CCDC33: variants seen among roughly 807,000 people sequenced by gnomAD.
The protein encoded by CCDC33 is coiled-coil domain containing 33, also known as coiled-coil domain-containing protein 33.
A neutral mutation model predicts 91.9 loss-of-function variants in CCDC33; 94 were observed. The ratio of observed to expected loss-of-function variants is 1.02; its 90% CI spans 0.87 to 1.21. CCDC33 has a LOEUF of 1.21. CCDC33 is among the 50% of genes most tolerant of loss of function. CCDC33 has a pLI of 0.00. For synonymous variants in CCDC33, 396 were observed against 374.5 expected, an observed-to-expected ratio of 1.06 and a Z score of -0.66; for missense variants, 940 against 935.5, an observed-to-expected ratio of 1.00 and a Z score of -0.06.
intron 10 of CCDC33, among the ~76,000 whole-genome samples, chr15:74,290,275 T>C (rs1255780073): frequency 1.3e-5 from 2 of 151,936 alleles, no homozygotes. Flanking sequence ...CCTCCTGGGT[T>C]CAAACGATTC....
At chr15:74,298,910 A>G (rs1477608278) in intron 11 of CCDC33, among the ~76,000 whole-genome samples, 1 of 151,858 alleles carries the variant, frequency 6.6e-6, no homozygotes, top group Non-Finnish European at 1.5e-5. Context: ...ACGGGCTTTC[A>G]CTATGTTGGC....
At chr15:74,263,791 C>T (rs769149938) in intron 3 of CCDC33, among the ~76,000 whole-genome samples, 3 of 151,994 alleles carry the variant, frequency 2.0e-5, no homozygotes, top group Non-Finnish European at 2.9e-5. Flanking sequence ...TGTGTGTGCG[C>T]GTGGGTGTGT....
chr15:74,293,843 G>A (rs2059630132), intron 10 of CCDC33, among the ~76,000 whole-genome samples: 1 of 152,188 alleles, frequency 6.6e-6, no homozygotes, highest in South Asian at 2.1e-4. Context: ...TTGATGGGGA[G>A]TTGGGGGACA....
In CCDC33 at chr15:74,280,078, A is replaced by C. The variant is rs2076552084; in HGVS notation, c.875A>C (p.Tyr292Ser). Residue 292 changes from tyrosine to serine, a missense_variant, in exon 8 of 19, where the codon TAC (tyrosine) becomes TCC (serine). Transcript: ENST00000398814. ...SEDTALVLEYYSSTSMKGSQP... is the reference protein window; with the variant it reads ...SEDTALVLEYSSSTSMKGSQP... ...GACACAGCCCTGGTGCTGGAGTACT[A>C]CTCCTCAACTTCAAGTACGTGACCC... 4 of 1,613,672 alleles carry C rather than the reference A, an allele frequency of 2.5e-6. No homozygotes were observed. The highest frequency in any genetic ancestry group is 3.4e-6 in the Non-Finnish European group (4 of 1,179,828).
chr15:74,261,437 C>A (rs1033306919), intron 2 of CCDC33, among the ~76,000 whole-genome samples: 4 of 152,212 alleles, frequency 2.6e-5, no homozygotes, highest in African/African-American at 9.6e-5. Flanking sequence ...AACTGGCCTG[C>A]CCCACACTCC....
At chr15:74,255,306 G>A (rs2075827616) in intron 2 of CCDC33, among the ~76,000 whole-genome samples, 1 of 152,234 alleles carries the variant, frequency 6.6e-6, no homozygotes, top group African/African-American at 2.4e-5. Flanking sequence ...CACACAGTCA[G>A]CAGCGGTGAG....
chr15:74,254,431 C>T (rs2075799241), intron 2 of CCDC33, among the ~76,000 whole-genome samples: 1 of 152,230 alleles, frequency 6.6e-6, no homozygotes, highest in Admixed American at 6.5e-5. Flanking sequence ...GTGAGGATCT[C>T]TGGGCCCCTC....
chr15:74,254,744 CTTTTTT>C (rs756927130), intron 2 of CCDC33, among the ~76,000 whole-genome samples: 65 of 126,404 alleles, frequency 5.1e-4, no homozygotes, highest in African/African-American at 1.9e-3. Flanking sequence ...TACCCTCCTT[CTTTTTT>C]TTTTTTTTTT....
At chr15:74,208,731 A>C in intron 1 of CCDC33, 4 of 987,580 alleles carry the variant, frequency 4.1e-6, no homozygotes, top group Non-Finnish European at 4.8e-6. Context: ...CGCACACCCC[A>C]TGTGCCTTCT....
At chr15:74,333,365 C>A in intron 16 of CCDC33, 1 of 1,458,356 alleles carries the variant, frequency 6.9e-7, no homozygotes, top group Non-Finnish European at 9.4e-7. Context: ...CCTGCTCCAC[C>A]TCTGAAGATG....
intron 11 of CCDC33, among the ~76,000 whole-genome samples, chr15:74,318,961 C>T (rs995980895): frequency 6.6e-6 from 1 of 152,178 alleles, no homozygotes; most frequent in Non-Finnish European, 1.5e-5. Flanking sequence ...TGGGCCCTAC[C>T]TCTGGTGTCT....
At position 74,207,382 on chromosome 15, in the gene CCDC33, C is replaced by T. The variant is rs940670452; in HGVS notation, n.90-2006C>T. 2.6e-5 allele frequency among the ~76,000 whole-genome samples: 4 copies of T among 152,112 alleles called. No individual in the cohort carries two copies. The East Asian group carries it at 7.7e-4, about 29-fold the overall frequency. ...AAGCCCTGCAACCTCAGTATTGCCC[C>T]CAAGAAGCCCCAGACCTTCAGTAAC... On this transcript the variant is annotated intron_variant and non_coding_transcript_variant, in intron 1 of 3. Transcript: ENST00000558645.
chr15:74,262,656 C>G, intron 3 of CCDC33, 83 bp downstream of exon 3: 11 of 1,459,886 alleles, frequency 7.5e-6, no homozygotes, highest in Non-Finnish European at 9.2e-6. Flanking sequence ...CAGGCTCCCT[C>G]TCACTGCAGC....
intron 11 of CCDC33, among the ~76,000 whole-genome samples, chr15:74,296,496 C>T (rs1437169844): frequency 6.6e-6 from 1 of 152,142 alleles, no homozygotes; most frequent in Non-Finnish European, 1.5e-5. Flanking sequence ...CGTGGTGGTG[C>T]ATGGCTGTAA....
intron 10 of CCDC33, among the ~76,000 whole-genome samples, chr15:74,294,516 G>C (rs985612007): frequency 1.3e-5 from 2 of 152,038 alleles, no homozygotes; most frequent in Admixed American, 6.5e-5. Flanking sequence ...GGGAGGCCAA[G>C]GTGGGCAGAT....
chr15:74,333,982 G>T lies in CCDC33; in HGVS notation c.2025+15G>T. 1 of 1,610,716 alleles carries T rather than the reference G, an allele frequency of 6.2e-7. No individual in the cohort carries two copies. The highest frequency in any genetic ancestry group is 1.3e-5 in the African/African-American group (1 of 74,966). ...TGGAAAGCCAGGTGGGTGAGATGCAGGAGTTGATGAGGCTGGATCAGGCTC... is the reference window on the plus strand; with the variant it reads ...TGGAAAGCCAGGTGGGTGAGATGCATGAGTTGATGAGGCTGGATCAGGCTC... On this transcript the variant is annotated intron_variant, in intron 17 of 18. Coordinates refer to ENST00000398814, the MANE Select transcript of CCDC33 (RefSeq NM_025055.5).
intron 2 of CCDC33, among the ~76,000 whole-genome samples, chr15:74,261,533 C>T (rs1259600329): frequency 2.0e-5 from 3 of 152,192 alleles, no homozygotes; most frequent in Non-Finnish European, 4.4e-5. Context: ...CGTCTTGCCT[C>T]CCTCCGCAAG....
chr15:74,282,357 C>T (rs1329769123), intron 10 of CCDC33, among the ~76,000 whole-genome samples: 1 of 152,134 alleles, frequency 6.6e-6, no homozygotes, highest in Non-Finnish European at 1.5e-5. Flanking sequence ...ACTCACATCC[C>T]GGTCTCCTTG....
At chr15:74,315,694 A>T (rs1313352318) in intron 11 of CCDC33, among the ~76,000 whole-genome samples, 2 of 152,216 alleles carry the variant, frequency 1.3e-5, no homozygotes, top group African/African-American at 4.8e-5. Context: ...AGATGGGGGA[A>T]GGCGACTCTG....
Sources: gnomAD v4.1 joint callset for allele counts (sites outside exome capture counted in the v4.1 genomes callset) on GRCh38, gnomAD v4.1.1 for gene constraint, MANE v1.5 for transcripts, NCBI Gene and HGNC (gene_info 2026-07-23, HGNC 2026-07-21) for gene names.